AKR1C3: variants seen among roughly 807,000 people sequenced by gnomAD.
The protein encoded by AKR1C3 is 3-alpha hydroxysteroid dehydrogenase, type II.
In AKR1C3, 48 loss-of-function variants were observed where a neutral mutation model predicts 43.6. The observed-to-expected ratio is 1.10, with a 90% CI of 0.87 to 1.40. AKR1C3 has a LOEUF of 1.40. AKR1C3 is among the 40% of genes most tolerant of loss of function. The probability of loss-of-function intolerance (pLI) is 0.00; values close to 1 mark genes in which losing one functional copy is unlikely to be tolerated. For missense variants in AKR1C3, 482 were observed against 391.2 expected (o/e 1.23, Z -1.96); for synonymous variants, 162 against 139.6 (o/e 1.16, Z -1.13).
upstream of AKR1C3, among the ~76,000 whole-genome samples, chr10:5,093,156 G>A (rs955556269): frequency 4.0e-4 from 61 of 151,942 alleles, no homozygotes; most frequent in Admixed American, 1.9e-3. Flanking sequence ...ACTATTGCAC[G>A]TCTCTTCCCC....
upstream of AKR1C3, among the ~76,000 whole-genome samples, chr10:5,093,020 T>C (rs974173224): frequency 1.3e-5 from 2 of 152,158 alleles, no homozygotes. Context: ...TGTCAGCAAT[T>C]TTCTGAACTT....
intron 1 of AKR1C3, among the ~76,000 whole-genome samples, chr10:5,078,550 A>G (rs1838765297): frequency 6.6e-6 from 1 of 152,246 alleles, no homozygotes; most frequent in South Asian, 2.1e-4. Flanking sequence ...TTCTTGGGTC[A>G]AATGAAAAAA....
intron 1 of AKR1C3, among the ~76,000 whole-genome samples, chr10:5,082,640 G>A (rs1323180075): frequency 6.6e-6 from 1 of 152,126 alleles, no homozygotes; most frequent in Non-Finnish European, 1.5e-5. Context: ...TCCCTGGAAT[G>A]AAATCCATTT....
At chr10:5,062,483 A>G (rs1838400578) in intron 1 of AKR1C3, among the ~76,000 whole-genome samples, 1 of 152,192 alleles carries the variant, frequency 6.6e-6, no homozygotes, top group African/African-American at 2.4e-5. Context: ...GACAGAACAT[A>G]ATAATGTGTG....
intron 3 of AKR1C3, 76 bp from the exon 4 acceptor site, chr10:5,098,726 T>G (rs1554785522): frequency 3.3e-6 from 4 of 1,200,792 alleles, no homozygotes; most frequent in Non-Finnish European, 4.9e-6. Context: ...TTAGTGTCCT[T>G]AAAGGTACCT....
chr10:5,058,832 G>A (rs1307271403), intron 1 of AKR1C3, among the ~76,000 whole-genome samples: 1 of 152,110 alleles, frequency 6.6e-6, no homozygotes, highest in East Asian at 1.9e-4. Context: ...AGACCACAAG[G>A]AGGACTGACT....
chr10:5,106,059 T>A (rs1359613844), intron 8 of AKR1C3, among the ~76,000 whole-genome samples: 1 of 152,222 alleles, frequency 6.6e-6, no homozygotes, highest in South Asian at 2.1e-4. Context: ...CTCAGCTCCT[T>A]ATCAAATCAA....
chr10:5,063,509 C>G (rs1554780451), intron 1 of AKR1C3, among the ~76,000 whole-genome samples: 1 of 151,864 alleles, frequency 6.6e-6, no homozygotes, highest in African/African-American at 2.4e-5. Context: ...GAAAATGGCA[C>G]AAGTAGCTGG....
At chr10:5,054,009 C>T (rs939466381) in intron 1 of AKR1C3, among the ~76,000 whole-genome samples, 3 of 152,192 alleles carry the variant, frequency 2.0e-5, no homozygotes, top group African/African-American at 7.2e-5. Flanking sequence ...GCCATGTTGC[C>T]CAACTCCAGA....
intron 1 of AKR1C3, among the ~76,000 whole-genome samples, chr10:5,060,376 G>A (rs1564354477): frequency 6.6e-6 from 1 of 152,150 alleles, no homozygotes; most frequent in East Asian, 1.9e-4. Context: ...GGTCCGTTTT[G>A]ATGGTGCTGA....
rs782789797 is a variant in AKR1C3, at chr10:5,102,097, G to C, written c.571-4G>C. On this transcript the variant is annotated splice_polypyrimidine_tract_variant and splice_region_variant and intron_variant, in intron 5 of 8. Transcript: ENST00000380554. Reference sequence around the variant, plus strand: ...TGATGCTTCTCTCTTTTGGTCAACTGCAGGTAGAATGTCATCCGTATTTCA... The same window carrying C: ...TGATGCTTCTCTCTTTTGGTCAACTCCAGGTAGAATGTCATCCGTATTTCA... The C allele has an allele frequency of 4.4e-6, 7 of 1,587,512 alleles. No individual in the cohort carries two copies. The Admixed American group carries it at 1.0e-4, about 23-fold the overall frequency.
chr10:5,104,535 T>C (rs1346680474), intron 7 of AKR1C3, among the ~76,000 whole-genome samples: 2 of 82,842 alleles, frequency 2.4e-5, no homozygotes, highest in African/African-American at 6.7e-5. Context: ...TAACTCTTTA[T>C]TTTATTTGAT....
intron 1 of AKR1C3, among the ~76,000 whole-genome samples, chr10:5,073,666 A>G (rs896739078): frequency 6.6e-6 from 1 of 152,212 alleles, no homozygotes; most frequent in Non-Finnish European, 1.5e-5. Flanking sequence ...GACATATTTG[A>G]TTAGTACCAA....
intron 1 of AKR1C3, among the ~76,000 whole-genome samples, chr10:5,083,322 G>A (rs1389728142): frequency 6.6e-6 from 1 of 151,950 alleles, no homozygotes; most frequent in Non-Finnish European, 1.5e-5. Context: ...GTGAGAACAT[G>A]CGGTGTTTGG....
At chr10:5,090,476 A>C (rs72549134), upstream of AKR1C3, among the ~76,000 whole-genome samples, 2,793 of 152,242 alleles carry the variant, frequency 0.018, 80 homozygotes, top group African/African-American at 0.063. Flanking sequence ...GAGCCATAAA[A>C]TAAAAAACTA....
chr10:5,097,744 G>C lies in AKR1C3; in HGVS notation c.369+194G>C, dbSNP rs567515422. Reference sequence around the variant, plus strand: ...CTACTTCTCTAATGCACACCTACAAGAGAAGAGAGTACAGCAACCTCAAAG... The same window carrying C: ...CTACTTCTCTAATGCACACCTACAACAGAAGAGAGTACAGCAACCTCAAAG... On this transcript the variant is annotated intron_variant, in intron 3 of 8. Coordinates refer to ENST00000380554, the MANE Select transcript of AKR1C3 (RefSeq NM_003739.6). The C allele has an allele frequency of 2.9e-6, 4 of 1,375,196 alleles. No homozygotes were observed. The African/African-American group carries it at 5.9e-5, about 20-fold the overall frequency. The allele number at this position is 1,375,196 out of a possible 1,614,324, so 85.2% of individuals were successfully genotyped here.
upstream of AKR1C3, chr10:5,093,686 A>G (rs2131833891): frequency 6.6e-6 from 1 of 152,250 alleles, no homozygotes; most frequent in East Asian, 1.9e-4. Flanking sequence ...TGAAGAACAA[A>G]TACTATTAAG....
At chr10:5,055,861 C>T (rs960607738) in intron 1 of AKR1C3, among the ~76,000 whole-genome samples, 2 of 152,160 alleles carry the variant, frequency 1.3e-5, no homozygotes, top group East Asian at 1.9e-4. Flanking sequence ...TCTGGGGATC[C>T]ATAGTCGGCA....
chr10:5,056,072 A>T (rs537297574), intron 1 of AKR1C3, among the ~76,000 whole-genome samples: 1 of 152,288 alleles, frequency 6.6e-6, no homozygotes, highest in South Asian at 2.1e-4. Context: ...AGTTCAACAG[A>T]TCCAGAGTAG....
Sources: gnomAD v4.1 joint callset for allele counts (sites outside exome capture counted in the v4.1 genomes callset) on GRCh38, gnomAD v4.1.1 for gene constraint, MANE v1.5 for transcripts, NCBI Gene and HGNC (gene_info 2026-07-23, HGNC 2026-07-21) for gene names.